PALLD: variants seen among roughly 807,000 people sequenced by gnomAD.
PALLD encodes palladin, cytoskeletal associated protein, also known as palladin.
Under a neutral mutation model 123.5 loss-of-function variants are expected in PALLD, and 61 were observed. The ratio of observed to expected loss-of-function variants is 0.49; its 90% CI spans 0.40 to 0.61. PALLD has a LOEUF of 0.61. Among genes scored for constraint, PALLD ranks in the 20% least tolerant of loss-of-function variants. The pLI is 0.00. For missense variants in PALLD, 1,273 were observed against 1,377.0 expected (o/e 0.92, Z 1.20); for synonymous variants, 465 against 496.4 (o/e 0.94, Z 0.84).
chr4:168,711,092 A>G (rs1784794326), intron 9 of PALLD, among the ~76,000 whole-genome samples: 1 of 152,180 alleles, frequency 6.6e-6, no homozygotes. Flanking sequence ...AATATGGAAA[A>G]AAATATTTTT....
At chr4:168,612,930 A>G (rs1396848696) in intron 2 of PALLD, among the ~76,000 whole-genome samples, 1 of 152,214 alleles carries the variant, frequency 6.6e-6, no homozygotes, top group African/African-American at 2.4e-5. Context: ...TTTCTGGACT[A>G]TGCCCTCACT....
chr4:168,849,388 C>A (rs1471898312), intron 10 of PALLD, among the ~76,000 whole-genome samples: 1 of 152,114 alleles, frequency 6.6e-6, no homozygotes, highest in Non-Finnish European at 1.5e-5. Context: ...AAGAGGGATG[C>A]GTTTTTAAGG....
In PALLD at chr4:168,690,620, C is replaced by G. The variant is rs763960529; in HGVS notation, c.1353C>G (p.Ala451=). ...AATTTCAGGAACTGCAAAACACAGC[C>G]GTGGCGGAAGGCCAGGTGGTGGTTC... ...PVFTKELQNT[A]VAEGQVVVLE... is the part of the protein sequence containing the mutation. The change falls in exon 7 of 22, where the codon GCC becomes GCG. Residue 451 remains alanine (A), a synonymous_variant. Transcript: ENST00000505667. 3 of 1,614,008 alleles carry G rather than the reference C, an allele frequency of 1.9e-6. No homozygotes were observed. Among genetic ancestry groups the G allele is most frequent in the Non-Finnish European group, 2.5e-6 (3 of 1,180,022 alleles).
chr4:168,739,679 T>C (rs143726229), intron 10 of PALLD, among the ~76,000 whole-genome samples: 3 of 152,186 alleles, frequency 2.0e-5, no homozygotes, highest in South Asian at 2.1e-4. Flanking sequence ...ATATCCCCCA[T>C]TAATATGTAC....
chr4:168,907,254 C>T (rs1209252737), intron 15 of PALLD, among the ~76,000 whole-genome samples: 1 of 152,216 alleles, frequency 6.6e-6, no homozygotes, highest in Non-Finnish European at 1.5e-5. Context: ...ACTACCCCAT[C>T]TTAAAGCAAC....
At chr4:168,896,366 A>T (rs1444227315) in intron 12 of PALLD, among the ~76,000 whole-genome samples, 183 bp from the exon 13 acceptor site, 1 of 152,194 alleles carries the variant, frequency 6.6e-6, no homozygotes, top group Admixed American at 6.5e-5. Flanking sequence ...TGAATATCTC[A>T]TGTGATTTAT....
chr4:168,614,267 A>C (rs1774009206), intron 2 of PALLD, among the ~76,000 whole-genome samples: 1 of 152,170 alleles, frequency 6.6e-6, no homozygotes, highest in Admixed American at 6.5e-5. Context: ...GGACTCTGTC[A>C]CTCATATTTT....
At chr4:168,867,238 TAGTA>T (rs1320144345) in intron 10 of PALLD, among the ~76,000 whole-genome samples, 3 of 152,196 alleles carry the variant, frequency 2.0e-5, no homozygotes, top group Non-Finnish European at 4.4e-5. Flanking sequence ...GTTTGGTACA[TAGTA>T]AGTGCTCTAT....
chr4:168,673,145 C>G (rs1485366204), intron 3 of PALLD, among the ~76,000 whole-genome samples: 1 of 152,180 alleles, frequency 6.6e-6, no homozygotes, highest in Non-Finnish European at 1.5e-5. Context: ...GTGGTTCACC[C>G]TCGAGACACA....
chr4:168,530,341 G>A (rs1764486053), intron 2 of PALLD, among the ~76,000 whole-genome samples: 1 of 152,170 alleles, frequency 6.6e-6, no homozygotes, highest in Admixed American at 6.5e-5. Context: ...TTATGCATGT[G>A]TTGGACATTT....
Position 168,915,995 on chromosome 4 carries a change from C to G in PALLD, c.2818C>G (p.Gln940Glu). Residue 940 changes from glutamine (Q) to glutamate (E), a missense_variant, in exon 17 of 22, where the codon CAA (glutamine) becomes GAA (glutamate). Gln to Glu is a conservative substitution (Grantham distance 29). Coordinates refer to ENST00000505667, the MANE Select transcript of PALLD (RefSeq NM_001166108.2). Reference protein sequence around the residue: ...FLQAPGDLTVQEGKLCRMDCK... With the variant: ...FLQAPGDLTVEEGKLCRMDCK... ...GCAGGCTCCTGGAGATCTGACTGTTCAAGAAGGAAAACTCTGCAGAATGGA... is the reference window on the plus strand; with the variant it reads ...GCAGGCTCCTGGAGATCTGACTGTTGAAGAAGGAAAACTCTGCAGAATGGA... The G allele has an allele frequency of 1.2e-6, 2 of 1,613,924 alleles. No homozygotes were observed. The highest frequency in any genetic ancestry group is 1.7e-6 in the Non-Finnish European group (2 of 1,179,830).
At chr4:168,746,380 CAAAAAAAAAAAA>C (rs747755592) in intron 10 of PALLD, among the ~76,000 whole-genome samples, 661 of 37,028 alleles carry the variant, frequency 0.018, 13 homozygotes, top group African/African-American at 0.045. Context: ...GAACCCGTCT[CAAAAAAAAAAAA>C]AAAAAAAAAA....
intron 10 of PALLD, among the ~76,000 whole-genome samples, chr4:168,824,266 CATTTTTTT>C (rs1285051078): frequency 2.6e-5 from 4 of 152,176 alleles, no homozygotes; most frequent in Admixed American, 6.5e-5. Context: ...TCCAGAAATA[CATTTTTTT>C]ATTTTTTTAT....
intron 10 of PALLD, among the ~76,000 whole-genome samples, chr4:168,723,389 G>C (rs1333241523): frequency 2.0e-5 from 3 of 152,190 alleles, no homozygotes; most frequent in Admixed American, 2.0e-4. Flanking sequence ...TGCTCAGAAG[G>C]ATACTGAGGA....
chr4:168,708,059 T>C (rs1784388162), intron 8 of PALLD, among the ~76,000 whole-genome samples: 1 of 152,192 alleles, frequency 6.6e-6, no homozygotes, highest in Admixed American at 6.5e-5. Context: ...CCCAGCTTGC[T>C]TTGAATCCCT....
chr4:168,666,690 T>C (rs1212310422), intron 2 of PALLD, among the ~76,000 whole-genome samples: 4 of 152,154 alleles, frequency 2.6e-5, no homozygotes, highest in African/African-American at 9.7e-5. Flanking sequence ...GTTTAGAGAA[T>C]GATGTATGTA....
At chr4:168,681,154 G>A (rs551167817) in intron 3 of PALLD, among the ~76,000 whole-genome samples, 178 bp from the exon 4 acceptor site, 271 of 152,250 alleles carry the variant, frequency 1.8e-3, no homozygotes, top group Middle Eastern at 3.4e-3. Flanking sequence ...TTAAAAATGA[G>A]TTTCTGAAGA....
chr4:168,620,789 C>T (rs1380459573), intron 2 of PALLD, among the ~76,000 whole-genome samples: 4 of 152,146 alleles, frequency 2.6e-5, no homozygotes, highest in Admixed American at 1.3e-4. Flanking sequence ...TCTGGCTAAA[C>T]CATGGGTCTA....
At chr4:168,629,813 C>T (rs1053430847) in intron 2 of PALLD, among the ~76,000 whole-genome samples, 1 of 152,196 alleles carries the variant, frequency 6.6e-6, no homozygotes, top group Non-Finnish European at 1.5e-5. Flanking sequence ...ACACCACTAA[C>T]AGCTGCCACC....
Sources: allele counts gnomAD v4.1 joint callset (sites outside exome capture counted in the v4.1 genomes callset), GRCh38; gene constraint gnomAD v4.1.1; transcripts MANE v1.5; gene names NCBI Gene and HGNC (gene_info 2026-07-23, HGNC 2026-07-21).